PDSS2: variants seen among roughly 807,000 people sequenced by gnomAD.
The protein encoded by PDSS2 is all trans-polyprenyl-diphosphate synthase PDSS2.
PDSS2 carries 31 observed loss-of-function variants against 44.5 expected under a neutral mutation model. The ratio of observed to expected loss-of-function variants is 0.70; its 90% CI spans 0.52 to 0.94. The LOEUF is 0.94. Ranked by LOEUF, PDSS2 falls within the 40% of genes least tolerant of loss-of-function variation. The probability of loss-of-function intolerance (pLI) is 0.00; values close to 1 mark genes in which losing one functional copy is unlikely to be tolerated. For missense variants in PDSS2, 452 were observed against 482.2 expected (o/e 0.94, Z 0.59); for synonymous variants, 157 against 180.3 (o/e 0.87, Z 1.03).
chr6:107,177,417 G>A (rs1474098778), intron 7 of PDSS2, among the ~76,000 whole-genome samples: 2 of 152,134 alleles, frequency 1.3e-5, no homozygotes, highest in Admixed American at 6.6e-5. Context: ...GATTACAGGC[G>A]TGAGCCACCA....
intron 7 of PDSS2, among the ~76,000 whole-genome samples, chr6:107,166,129 C>A (rs1196254748): frequency 6.6e-6 from 1 of 151,962 alleles, no homozygotes; most frequent in Non-Finnish European, 1.5e-5. Flanking sequence ...AATTTGACTT[C>A]CTCTTTTCCT....
chr6:107,196,706 G>A (rs766740673), intron 6 of PDSS2, among the ~76,000 whole-genome samples: 11 of 152,178 alleles, frequency 7.2e-5, no homozygotes, highest in Non-Finnish European at 1.3e-4. Context: ...ACTGATGGCT[G>A]GCAACTCCTG....
At chr6:107,374,275 A>G (rs1262220421) in intron 1 of PDSS2, among the ~76,000 whole-genome samples, 5 of 151,236 alleles carry the variant, frequency 3.3e-5, no homozygotes, top group Admixed American at 6.6e-5. Context: ...AAAAAAAAAA[A>G]TCACCAATGA....
chr6:107,322,704 G>A (rs994524311), intron 2 of PDSS2, among the ~76,000 whole-genome samples: 1 of 152,008 alleles, frequency 6.6e-6, no homozygotes, highest in African/African-American at 2.4e-5. Flanking sequence ...ACATTAGCCA[G>A]GCATGGTACA....
intron 3 of PDSS2, among the ~76,000 whole-genome samples, chr6:107,249,570 T>C (rs901764828): frequency 6.6e-6 from 1 of 152,188 alleles, no homozygotes; most frequent in African/African-American, 2.4e-5. Context: ...AATAGCAGCA[T>C]TGCTTACCTA....
chr6:107,217,039 T>C (rs1244111723), intron 4 of PDSS2, among the ~76,000 whole-genome samples: 2 of 152,138 alleles, frequency 1.3e-5, no homozygotes, highest in Non-Finnish European at 2.9e-5. Context: ...CTGAGCTGCA[T>C]TTCGTACTAT....
intron 4 of PDSS2, among the ~76,000 whole-genome samples, chr6:107,231,240 T>C (rs1477311160): frequency 6.6e-6 from 1 of 152,176 alleles, no homozygotes; most frequent in Non-Finnish European, 1.5e-5. Context: ...ATAAGTTTCA[T>C]GTGAAAATGC....
In PDSS2 at chr6:107,389,433, TACTTG is replaced by T. The variant is rs200428741; in HGVS notation, c.297-55106_297-55102del. On this transcript the variant is annotated intron_variant, in intron 1 of 7. Transcript: ENST00000369037. ...GAACTTGTACATGAATACTGTTTCTTACTTGGTAAAGCTGTTTCTCACAGGGGTAT... is the reference window on the plus strand; with the variant it reads ...GAACTTGTACATGAATACTGTTTCTTGTAAAGCTGTTTCTCACAGGGGTAT... Among the ~76,000 whole-genome samples the T allele has an allele frequency of 5.8e-3, 877 of 152,332 alleles. 3 individuals carry two copies. The highest frequency in any genetic ancestry group is 0.017 in the African/African-American group (699 of 41,578).
At chr6:107,402,533 T>TACG (rs1780174021) in intron 1 of PDSS2, among the ~76,000 whole-genome samples, 3 of 63,812 alleles carry the variant, frequency 4.7e-5, no homozygotes, top group African/African-American at 9.4e-5. Flanking sequence ...TACATACATT[T>TACG]TATATATATA....
chr6:107,288,599 A>G (rs1042208601), intron 2 of PDSS2, among the ~76,000 whole-genome samples: 1 of 152,114 alleles, frequency 6.6e-6, no homozygotes, highest in African/African-American at 2.4e-5. Flanking sequence ...ACAGTAGCAG[A>G]CAAGCCCATC....
At chr6:107,178,730 A>G (rs576563863) in intron 7 of PDSS2, among the ~76,000 whole-genome samples, 5 of 152,338 alleles carry the variant, frequency 3.3e-5, no homozygotes, top group African/African-American at 9.6e-5. Flanking sequence ...GGTAAAGAAT[A>G]CACACTGCTG....
chr6:107,325,151 C>T (rs115963569), intron 2 of PDSS2, among the ~76,000 whole-genome samples: 2 of 152,098 alleles, frequency 1.3e-5, no homozygotes, highest in South Asian at 2.1e-4. Flanking sequence ...TCCTCTAACA[C>T]CACACTAAGC....
chr6:107,279,695 T>TA (rs920520831), intron 2 of PDSS2, among the ~76,000 whole-genome samples: 6 of 152,256 alleles, frequency 3.9e-5, no homozygotes, highest in African/African-American at 1.2e-4. Flanking sequence ...TAAAAAGATT[T>TA]AAAAAAATGA....
At chr6:107,190,847 C>A (rs75956696) in intron 7 of PDSS2, among the ~76,000 whole-genome samples, 1 of 152,088 alleles carries the variant, frequency 6.6e-6, no homozygotes, top group East Asian at 1.9e-4. Context: ...CCCGTATATG[C>A]CAACCCAGCA....
chr6:107,198,599 C>A (rs1213628114), intron 6 of PDSS2, among the ~76,000 whole-genome samples: 1 of 152,030 alleles, frequency 6.6e-6, no homozygotes, highest in African/African-American at 2.4e-5. Flanking sequence ...TCTAAATATG[C>A]CAAACATACC....
intron 4 of PDSS2, among the ~76,000 whole-genome samples, chr6:107,228,739 C>T (rs1344204039): frequency 6.7e-6 from 1 of 148,364 alleles, no homozygotes; most frequent in Non-Finnish European, 1.5e-5. Context: ...AACAAACAAA[C>T]AAACAAACAA....
intron 6 of PDSS2, among the ~76,000 whole-genome samples, chr6:107,201,122 T>C (rs1319554418): frequency 1.3e-5 from 2 of 152,120 alleles, no homozygotes; most frequent in African/African-American, 4.8e-5. Flanking sequence ...TACACAGCAA[T>C]TCCCTGAGGG....
chr6:107,454,488 AC>A (rs1781972796), intron 1 of PDSS2, among the ~76,000 whole-genome samples: 1 of 152,240 alleles, frequency 6.6e-6, no homozygotes, highest in Non-Finnish European at 1.5e-5. Context: ...ATTCCTAGTA[AC>A]AGAATCATTA....
At chr6:107,313,032 G>A (rs1035320918) in intron 2 of PDSS2, among the ~76,000 whole-genome samples, 1 of 152,036 alleles carries the variant, frequency 6.6e-6, no homozygotes, top group Non-Finnish European at 1.5e-5. Context: ...TCACCTCCCC[G>A]GGGCTCCATT....
Sources: gnomAD v4.1 joint callset for allele counts (sites outside exome capture counted in the v4.1 genomes callset) on GRCh38, gnomAD v4.1.1 for gene constraint, MANE v1.5 for transcripts, NCBI Gene and HGNC (gene_info 2026-07-23, HGNC 2026-07-21) for gene names.